Variants in COL5A2 observed in about 807,000 individuals in gnomAD.
COL5A2 encodes collagen alpha-2(V) chain.
In COL5A2, 23 loss-of-function variants were observed where a neutral mutation model predicts 208.2. The observed-to-expected ratio is 0.11, with a 90% CI of 0.08 to 0.16. COL5A2 has a LOEUF of 0.16. Ranked by LOEUF, COL5A2 falls within the 10% of genes least tolerant of loss-of-function variation. The probability of loss-of-function intolerance (pLI) is 1.00; values close to 1 mark genes in which losing one functional copy is unlikely to be tolerated. For missense variants in COL5A2, 1,590 were observed against 1,956.4 expected, an observed-to-expected ratio of 0.81 and a Z score of 3.53; for synonymous variants, 625 against 628.5, an observed-to-expected ratio of 0.99 and a Z score of 0.08.
chr2:189,083,233 G>A (rs573024800), intron 12 of COL5A2, among the ~76,000 whole-genome samples: 1 of 152,208 alleles, frequency 6.6e-6, no homozygotes, highest in African/African-American at 2.4e-5. Context: ...TTTTCCCCAT[G>A]GCCAGCGTAA....
chr2:189,337,372 C>T, the COL5A2 span, among the ~76,000 whole-genome samples: 1 of 151,452 alleles, frequency 6.6e-6, no homozygotes, highest in Non-Finnish European at 1.5e-5. Flanking sequence ...TTAGTAGAGA[C>T]GGGGTTTCAC....
chr2:189,141,079 G>A (rs903684101), intron 1 of COL5A2, among the ~76,000 whole-genome samples: 4 of 152,104 alleles, frequency 2.6e-5, no homozygotes, highest in Non-Finnish European at 5.9e-5. Flanking sequence ...ATAGAGATGT[G>A]CTTTCAGTGA....
chr2:189,423,016 T>A, the COL5A2 span, among the ~76,000 whole-genome samples: 1 of 109,008 alleles, frequency 9.2e-6, no homozygotes, highest in African/African-American at 3.1e-5. Context: ...AGAGCGAAAC[T>A]CTGTCTCAAA....
chr2:189,196,497 T>C (rs1208421363), intron 1 of COL5A2, among the ~76,000 whole-genome samples: 1 of 146,804 alleles, frequency 6.8e-6, no homozygotes, highest in Non-Finnish European at 1.5e-5. Flanking sequence ...CTCTCTCTTT[T>C]CCCTCTATTT....
At chr2:189,035,624 C>A (rs747265979) in intron 52 of COL5A2, among the ~76,000 whole-genome samples, 1 of 152,058 alleles carries the variant, frequency 6.6e-6, no homozygotes, top group Non-Finnish European at 1.5e-5. Flanking sequence ...TCACCTTCTA[C>A]TTTAGCTTTG....
chr2:189,253,062 A>T, the COL5A2 span, among the ~76,000 whole-genome samples: 1 of 152,216 alleles, frequency 6.6e-6, no homozygotes, highest in African/African-American at 2.4e-5. Context: ...GGACAGTTGT[A>T]GGATGAATTT....
At chr2:189,069,886 TAATC>T (rs1686233101) in intron 18 of COL5A2, among the ~76,000 whole-genome samples, 1 of 152,192 alleles carries the variant, frequency 6.6e-6, no homozygotes, top group African/African-American at 2.4e-5. Flanking sequence ...TATTTAAGTC[TAATC>T]AACTTAATTT....
At chr2:189,035,866 T>C (rs1416334842) in intron 52 of COL5A2, among the ~76,000 whole-genome samples, 1 of 152,064 alleles carries the variant, frequency 6.6e-6, no homozygotes, top group Non-Finnish European at 1.5e-5. Context: ...CATAAAGAGA[T>C]GCAGAATGAA....
intron 1 of COL5A2, among the ~76,000 whole-genome samples, chr2:189,130,108 A>G (rs1687682147): frequency 6.6e-6 from 1 of 152,056 alleles, no homozygotes; most frequent in Admixed American, 6.6e-5. Context: ...TGATAGGGCA[A>G]CGGACAAACA....
chr2:189,164,487 A>C (rs1688428849), intron 1 of COL5A2, among the ~76,000 whole-genome samples: 1 of 152,000 alleles, frequency 6.6e-6, no homozygotes, highest in Non-Finnish European at 1.5e-5. Flanking sequence ...TTATTTTGCT[A>C]AATAAAAGAT....
At chr2:189,410,838 C>T in the COL5A2 span, among the ~76,000 whole-genome samples, 3 of 151,970 alleles carry the variant, frequency 2.0e-5, no homozygotes, top group Non-Finnish European at 4.4e-5. Context: ...TTAAGAATAA[C>T]TAAATTTTTA....
At chr2:189,231,422 T>C in the COL5A2 span, among the ~76,000 whole-genome samples, 1 of 151,720 alleles carries the variant, frequency 6.6e-6, no homozygotes, top group Non-Finnish European at 1.5e-5. Context: ...AAGCCCCTTC[T>C]GAAAGGTGGC....
intron 1 of COL5A2, among the ~76,000 whole-genome samples, chr2:189,177,578 A>AT (rs1052308991): frequency 1.3e-5 from 2 of 152,104 alleles, no homozygotes; most frequent in Non-Finnish European, 2.9e-5. Flanking sequence ...AAATACTGGA[A>AT]TTTTTTACAA....
At chr2:189,096,735 T>C (rs1301645842) in intron 6 of COL5A2, among the ~76,000 whole-genome samples, 1 of 152,188 alleles carries the variant, frequency 6.6e-6, no homozygotes, top group Non-Finnish European at 1.5e-5. Flanking sequence ...TATAATATCC[T>C]CATGTTTTAT....
chr2:189,329,972 T>C, the COL5A2 span, among the ~76,000 whole-genome samples: 2 of 151,840 alleles, frequency 1.3e-5, no homozygotes, highest in East Asian at 1.9e-4. Context: ...CCTGGAAACA[T>C]AGCAGGAAGA....
the COL5A2 span, among the ~76,000 whole-genome samples, chr2:189,276,617 C>T: frequency 1.3e-5 from 2 of 152,134 alleles, no homozygotes; most frequent in Non-Finnish European, 2.9e-5. Context: ...TTATGAGTCA[C>T]ATTACATAAG....
the COL5A2 span, among the ~76,000 whole-genome samples, chr2:189,252,161 G>T: frequency 1.5e-4 from 23 of 152,280 alleles, no homozygotes; most frequent in East Asian, 2.3e-3. Context: ...TACACTGTTG[G>T]TGGGACTGTA....
chr2:189,309,703 T>A, the COL5A2 span, among the ~76,000 whole-genome samples: 2 of 152,222 alleles, frequency 1.3e-5, no homozygotes, highest in African/African-American at 2.4e-5. Context: ...TTGAATTATG[T>A]CTTCTGAGGA....
chr2:189,035,706 T>C (rs568904325), intron 52 of COL5A2, among the ~76,000 whole-genome samples: 1 of 152,260 alleles, frequency 6.6e-6, no homozygotes, highest in African/African-American at 2.4e-5. Flanking sequence ...ACTATTTATA[T>C]TTAAAATTTA....
Sources: gnomAD v4.1 joint callset for allele counts (sites outside exome capture counted in the v4.1 genomes callset) on GRCh38, gnomAD v4.1.1 for gene constraint, MANE v1.5 for transcripts, NCBI Gene and HGNC (gene_info 2026-07-23, HGNC 2026-07-21) for gene names.